The following KALRN variants were observed in gnomAD, a reference collection of about 807,000 sequenced individuals.
The protein encoded by KALRN is kalirin.
Under a neutral mutation model 353.7 loss-of-function variants are expected in KALRN, and 70 were observed. That is an observed-to-expected ratio of 0.20 (90% CI 0.16 to 0.24). The LOEUF is 0.24. KALRN is among the 10% of genes least tolerant of loss of function. The pLI is 1.00. For missense variants in KALRN, 2,791 were observed against 3,756.7 expected, an observed-to-expected ratio of 0.74 and a Z score of 6.72; for synonymous variants, 1,391 against 1,434.8, an observed-to-expected ratio of 0.97 and a Z score of 0.69.
At chr3:124,136,489 TC>T (rs963174111) in intron 1 of KALRN, among the ~76,000 whole-genome samples, 14 of 149,944 alleles carry the variant, frequency 9.3e-5, no homozygotes, top group East Asian at 7.8e-4. Flanking sequence ...ATTGCCAAGG[TC>T]CCCCCCCCAT....
At chr3:124,680,732 G>A (rs1164998982) in intron 51 of KALRN, among the ~76,000 whole-genome samples, 3 of 152,166 alleles carry the variant, frequency 2.0e-5, no homozygotes, top group Admixed American at 1.3e-4. Context: ...CGAGGCAATC[G>A]GCTGACAATG....
chr3:124,276,323 T>C (rs2074717789), intron 5 of KALRN, among the ~76,000 whole-genome samples: 1 of 152,180 alleles, frequency 6.6e-6, no homozygotes, highest in Admixed American at 6.5e-5. Flanking sequence ...CACATTAGCA[T>C]TGCAGGACAT....
At chr3:124,242,227 G>A (rs2080548677) in intron 3 of KALRN, among the ~76,000 whole-genome samples, 1 of 152,156 alleles carries the variant, frequency 6.6e-6, no homozygotes, top group Admixed American at 6.5e-5. Flanking sequence ...GACAGTAAAA[G>A]TAACAACTAG....
At chr3:124,499,493 A>G (rs2064266577) in intron 33 of KALRN, among the ~76,000 whole-genome samples, 1 of 152,258 alleles carries the variant, frequency 6.6e-6, no homozygotes. Context: ...TATGAATAAG[A>G]CTGCACAATT....
chr3:124,519,074 G>GC (rs1192977619), intron 33 of KALRN: 21 of 985,790 alleles, frequency 2.1e-5, no homozygotes, highest in Non-Finnish European at 2.4e-5. Flanking sequence ...ATTTGCTTCA[G>GC]CCTACTCAGA....
rs1231153269 is a variant in KALRN at position 124,632,315 on chromosome 3, T to G, written c.5183-105T>G. 7.0e-6 allele frequency: 8 copies of G among 1,136,964 alleles called. No individual in the cohort carries two copies. In the Admixed American group the frequency reaches 1.6e-4, roughly 23 times the overall value. 70.4% of individuals were successfully genotyped at this position (1,136,964 alleles called of 1,614,324 possible). On this transcript the variant is annotated intron_variant, in intron 34 of 59. Transcript: ENST00000682506. ...CTGGGGTCTACAGCTGGCCTGGACA[T>G]TCTGCCTTGTGTCCTAGCTTCCTGA... is the stretch of plus-strand genomic sequence containing the variant.
In KALRN at chr3:124,529,684, A is replaced by G. The variant is rs995735552; in HGVS notation, c.4936-33159A>G. ...AATTCAAATAATTCTGATAAATGCC[A>G]ACTCTTCTCTCAACACAGTTTTATT... On this transcript the variant is annotated intron_variant, in intron 33 of 59. Transcript: ENST00000682506. Among the ~76,000 whole-genome samples the G allele has an allele frequency of 2.0e-5, 3 of 152,230 alleles. No individual in the cohort carries two copies. The South Asian group carries it at 6.2e-4, about 32-fold the overall frequency.
At chr3:124,296,703 C>T (rs2149195863) in intron 5 of KALRN, among the ~76,000 whole-genome samples, 1 of 152,372 alleles carries the variant, frequency 6.6e-6, no homozygotes, top group Middle Eastern at 3.4e-3. Context: ...CCTGCCTCCC[C>T]AGCCACACTT....
chr3:124,717,161 A>T, intron 58 of KALRN, 86 bp from the exon 59 acceptor site: 1 of 1,292,722 alleles, frequency 7.7e-7, no homozygotes, highest in African/African-American at 1.5e-5. Context: ...GAGAGAGTTT[A>T]GAGATCTTAC....
At chr3:124,230,215 C>G (rs1000895333) in intron 2 of KALRN, among the ~76,000 whole-genome samples, 4 of 152,150 alleles carry the variant, frequency 2.6e-5, no homozygotes, top group African/African-American at 4.8e-5. Context: ...TGATGTTCTT[C>G]CTGTCCCCTG....
rs796628603 is a variant in KALRN at position 124,642,806 on chromosome 3, G to GTTGTTTTTTTTTTTTTTTTT, written c.5664+5505_5664+5506insGTTTTTTTTTTTTTTTTTTT. Reference sequence around the variant, plus strand: ...TCTGTGGAAGAGATTCCCAAGCCTCGTTTTTTTTTTTTTTTTTTTTGAGAC... The same window carrying GTTGTTTTTTTTTTTTTTTTT: ...TCTGTGGAAGAGATTCCCAAGCCTCGTTGTTTTTTTTTTTTTTTTTTTTTTTTTTTTTTTTTTTTTGAGAC... On this transcript the variant is annotated intron_variant, in intron 37 of 59. Transcript: ENST00000682506. Among the ~76,000 whole-genome samples the GTTGTTTTTTTTTTTTTTTTT allele has an allele frequency of 5.7e-4, 55 of 96,812 alleles. 11 individuals carry two copies. The highest frequency in any genetic ancestry group is 1.3e-3 in the African/African-American group (28 of 22,306). 63.5% of individuals were successfully genotyped at this position (96,812 alleles called of 152,430 possible). A position where few individuals can be genotyped will look rare whatever the true frequency, so the allele number is the denominator to read the frequency against.
chr3:124,079,943 T>G lies in KALRN; in HGVS notation c.73+46130T>G, dbSNP rs1438507703. 1.0e-5 allele frequency: 4 copies of G among 392,998 alleles called. No homozygotes were observed. In the Admixed American group the frequency reaches 1.1e-4, roughly 10 times the overall value. The allele number at this position is 392,998 out of a possible 1,614,324, so 24.3% of individuals were successfully genotyped here. A position where few individuals can be genotyped will look rare whatever the true frequency, so the allele number is the denominator to read the frequency against. ...TTGTTTCCCCATAATCTTTTTGTCT[T>G]CAGGTTAAACAGTCATAGTTCCATA... On this transcript the variant is annotated intron_variant, in intron 1 of 59. Transcript: ENST00000682506.
In KALRN at chr3:124,712,916, C is replaced by G. The variant is rs779205656; in HGVS notation, c.8076-19C>G. ...GTTAATTAATGAATGTTGGCAAACT[C>G]TCCCTTTTGTTTTTCCAGAGGCCGT... On this transcript the variant is annotated intron_variant, in intron 57 of 59. Transcript: ENST00000682506. 4 of 1,580,588 alleles carry G rather than the reference C, an allele frequency of 2.5e-6. No individual in the cohort carries two copies. The highest frequency in any genetic ancestry group is 3.5e-6 in the Non-Finnish European group (4 of 1,153,286).
intron 6 of KALRN, among the ~76,000 whole-genome samples, chr3:124,311,987 A>G (rs531604510): frequency 5.9e-5 from 9 of 152,226 alleles, no homozygotes; most frequent in Non-Finnish European, 1.0e-4. Flanking sequence ...GTTGTTGCTT[A>G]GAGTTAGAAT....
intron 48 of KALRN, among the ~76,000 whole-genome samples, chr3:124,672,996 C>T (rs73195559): frequency 0.031 from 4,649 of 152,298 alleles, 85 homozygotes; most frequent in East Asian, 0.078. Flanking sequence ...AGAGTAACCA[C>T]ACTGATTTGT....
At chr3:124,629,655 C>A (rs2080514274) in intron 34 of KALRN, among the ~76,000 whole-genome samples, 1 of 152,194 alleles carries the variant, frequency 6.6e-6, no homozygotes, top group African/African-American at 2.4e-5. Context: ...CTTTTCAGAT[C>A]AATCCCGCCT....
At chr3:124,486,437 G>A (rs1276881402) in intron 28 of KALRN, among the ~76,000 whole-genome samples, 1 of 152,154 alleles carries the variant, frequency 6.6e-6, no homozygotes, top group African/African-American at 2.4e-5. Context: ...ACCACTTTCT[G>A]AACAAGGGTG....
intron 1 of KALRN, among the ~76,000 whole-genome samples, chr3:124,216,461 A>G (rs66604667): frequency 0.14 from 20,900 of 152,252 alleles, 1,773 homozygotes; most frequent in Middle Eastern, 0.23. Context: ...TCTCAGAAAA[A>G]TGGACACATA....
At position 124,069,342 on chromosome 3, in the gene KALRN, AG is replaced by A. The variant is rs2042651792; in HGVS notation, c.73+35531del. The stretch of plus-strand genomic sequence containing the variant: ...GAGGAGGAGGAGGAGGAGGAGGAGG[AG>A]GAGGAGGAGGAGGAGGAGGAGGAGG... On this transcript the variant is annotated intron_variant, in intron 1 of 59. Transcript: ENST00000682506. Among the ~76,000 whole-genome samples the A allele has an allele frequency of 2.2e-4, 28 of 128,364 alleles. 1 individual carries two copies. The East Asian group carries it at 3.8e-3, about 17-fold the overall frequency. The allele number at this position is 128,364 out of a possible 152,430, so 84.2% of individuals were successfully genotyped here.
Sources: gnomAD v4.1 joint callset for allele counts (sites outside exome capture counted in the v4.1 genomes callset) on GRCh38, gnomAD v4.1.1 for gene constraint, MANE v1.5 for transcripts, NCBI Gene and HGNC (gene_info 2026-07-23, HGNC 2026-07-21) for gene names.